Variants in TMEM266 observed in about 807,000 individuals in gnomAD.
TMEM266 encodes Hv1 related protein 1.
Under a neutral mutation model 50.5 loss-of-function variants are expected in TMEM266, and 33 were observed. The observed-to-expected ratio is 0.65, with a 90% CI of 0.50 to 0.87. The LOEUF is 0.87. TMEM266 is among the 40% of genes least tolerant of loss of function. The pLI, the probability that TMEM266 is intolerant of heterozygous loss-of-function variation, is 0.00. For missense variants in TMEM266, 655 were observed against 695.1 expected (o/e 0.94, Z 0.65); for synonymous variants, 310 against 292.3 (o/e 1.06, Z -0.62).
At chr15:76,131,875 G>C (rs1167496068) in intron 1 of TMEM266, among the ~76,000 whole-genome samples, 1 of 152,152 alleles carries the variant, frequency 6.6e-6, no homozygotes, top group Admixed American at 6.6e-5. Flanking sequence ...CTCTGTCTCT[G>C]TTAATTCCAG....
intron 8 of TMEM266, among the ~76,000 whole-genome samples, chr15:76,180,125 G>T (rs2038375641): frequency 6.6e-6 from 1 of 152,146 alleles, no homozygotes; most frequent in African/African-American, 2.4e-5. Context: ...AGTGAAGCAG[G>T]TGCAGAGTTC....
intron 8 of TMEM266, among the ~76,000 whole-genome samples, chr15:76,188,576 C>T (rs2038522172): frequency 6.6e-6 from 1 of 152,050 alleles, no homozygotes; most frequent in African/African-American, 2.4e-5. Context: ...TACTCCAGCC[C>T]GGGTGACGGA....
At chr15:76,096,314 C>T (rs1463377704) in intron 1 of TMEM266, among the ~76,000 whole-genome samples, 5 of 151,958 alleles carry the variant, frequency 3.3e-5, no homozygotes, top group Non-Finnish European at 5.9e-5. Flanking sequence ...GTTGTGTTTT[C>T]GTTCTCATTG....
chr15:76,124,212 T>C (rs2037385268), intron 1 of TMEM266, among the ~76,000 whole-genome samples: 1 of 152,198 alleles, frequency 6.6e-6, no homozygotes, highest in Non-Finnish European at 1.5e-5. Flanking sequence ...TTTGATTCTT[T>C]CTTCTCGTTT....
At chr15:76,177,903 T>C (rs1323758788) in intron 8 of TMEM266, among the ~76,000 whole-genome samples, 1 of 152,198 alleles carries the variant, frequency 6.6e-6, no homozygotes, top group East Asian at 1.9e-4. Flanking sequence ...AATGCCTGTA[T>C]CACATGGGCA....
chr15:76,184,140 C>T (rs1370783611), intron 8 of TMEM266, among the ~76,000 whole-genome samples: 3 of 152,218 alleles, frequency 2.0e-5, no homozygotes, highest in Non-Finnish European at 2.9e-5. Context: ...GGGCTTGAGG[C>T]TGGCTCATTC....
intron 6 of TMEM266, among the ~76,000 whole-genome samples, chr15:76,170,213 C>G: frequency 6.6e-6 from 1 of 152,228 alleles, no homozygotes; most frequent in East Asian, 1.9e-4. Context: ...AAACTGTCAA[C>G]GTGCTTCTCA....
chr15:76,088,451 G>A (rs1032974468), intron 1 of TMEM266, among the ~76,000 whole-genome samples: 1 of 152,114 alleles, frequency 6.6e-6, no homozygotes, highest in African/African-American at 2.4e-5. Context: ...CCAGGAGTTC[G>A]AGACCAACCT....
intron 9 of TMEM266, among the ~76,000 whole-genome samples, chr15:76,196,116 C>T (rs1393189027): frequency 3.3e-5 from 5 of 152,216 alleles, no homozygotes; most frequent in African/African-American, 1.2e-4. Context: ...TGCTAACCCT[C>T]CTGGAAACTA....
intron 5 of TMEM266, 68 bp from the exon 6 acceptor site, chr15:76,169,748 G>GA: frequency 6.5e-7 from 1 of 1,529,324 alleles, no homozygotes; most frequent in East Asian, 2.3e-5. Flanking sequence ...TCTGAGTGCT[G>GA]AGCTCTGGAA....
At chr15:76,090,858 G>A (rs1161120873) in intron 1 of TMEM266, among the ~76,000 whole-genome samples, 4 of 152,050 alleles carry the variant, frequency 2.6e-5, no homozygotes, top group African/African-American at 9.7e-5. Context: ...AGTACTGGGG[G>A]GTAAATATGG....
chr15:76,111,312 C>T (rs1177744573), intron 1 of TMEM266, among the ~76,000 whole-genome samples: 1 of 151,754 alleles, frequency 6.6e-6, no homozygotes, highest in African/African-American at 2.4e-5. Flanking sequence ...AACTCCTGAC[C>T]TCAGTGATCC....
Position 76,191,955 on chromosome 15 carries a change from T to C in TMEM266, c.769-13T>C. 1 of 1,574,104 alleles carries C rather than the reference T, an allele frequency of 6.4e-7. No individual in the cohort carries two copies. Among genetic ancestry groups the C allele is most frequent in the South Asian group, 1.1e-5 (1 of 87,864 alleles). Reference sequence around the variant, plus strand: ...CTCGCCGCTGATTCAGCCTTGCCCGTCTCCCTCCGCAGTTTGAGATCCGGC... The same window carrying C: ...CTCGCCGCTGATTCAGCCTTGCCCGCCTCCCTCCGCAGTTTGAGATCCGGC... On this transcript the variant is annotated splice_polypyrimidine_tract_variant and intron_variant, in intron 8 of 10. Transcript: ENST00000388942.
chr15:76,156,532 G>A, intron 3 of TMEM266, 72 bp from the exon 4 acceptor site: 3 of 1,532,766 alleles, frequency 2.0e-6, no homozygotes, highest in Non-Finnish European at 2.7e-6. Context: ...TGAGAGCAGG[G>A]CTTTGGCCGG....
At chr15:76,171,259 G>C in intron 7 of TMEM266, 128 bp downstream of exon 7, 1 of 1,320,548 alleles carries the variant, frequency 7.6e-7, no homozygotes, top group Non-Finnish European at 1.0e-6. Context: ...ACTGTCGGCA[G>C]GGAGAGGGGC....
At chr15:76,202,124 CGTGGGG>C in intron 9 of TMEM266, 72 bp from the exon 10 acceptor site, 1 of 1,254,006 alleles carries the variant, frequency 8.0e-7, no homozygotes, top group Non-Finnish European at 1.1e-6. Flanking sequence ...CTCTTGTGAC[CGTGGGG>C]GTGGGGACAG....
chr15:76,075,887 T>G (rs1270923828), intron 1 of TMEM266, among the ~76,000 whole-genome samples: 1 of 125,998 alleles, frequency 7.9e-6, no homozygotes, highest in African/African-American at 3.0e-5. Context: ...GACACGGGCT[T>G]TTTTTGTGTC....
intron 1 of TMEM266, among the ~76,000 whole-genome samples, chr15:76,073,905 G>A (rs1270205264): frequency 3.9e-5 from 6 of 152,156 alleles, no homozygotes; most frequent in African/African-American, 1.4e-4. Context: ...TCCAGTTCTT[G>A]TGGAGATGAG....
At chr15:76,171,549 T>A (rs2038188937) in intron 7 of TMEM266, among the ~76,000 whole-genome samples, 1 of 152,186 alleles carries the variant, frequency 6.6e-6, no homozygotes, top group African/African-American at 2.4e-5. Context: ...GGTCATCTAG[T>A]CAAGGCCTTG....
Sources: gnomAD v4.1 joint callset for allele counts (sites outside exome capture counted in the v4.1 genomes callset) on GRCh38, gnomAD v4.1.1 for gene constraint, MANE v1.5 for transcripts, NCBI Gene and HGNC (gene_info 2026-07-23, HGNC 2026-07-21) for gene names.